Variants in FIG4 observed in about 807,000 individuals in gnomAD.
FIG4 encodes the protein FIG4 phosphoinositide 5-phosphatase, also known as polyphosphoinositide phosphatase.
In FIG4, 112 loss-of-function variants were observed where a neutral mutation model predicts 118.6. The observed-to-expected ratio is 0.94, with a 90% CI of 0.81 to 1.11. The LOEUF (loss-of-function observed/expected upper bound fraction) is 1.11. Ranked by LOEUF, FIG4 falls within the 50% of genes least tolerant of loss-of-function variation. FIG4 has a pLI of 0.00. For missense variants in FIG4, 969 were observed against 1,111.7 expected (o/e 0.87, Z 1.83); for synonymous variants, 369 against 381.2 (o/e 0.97, Z 0.37).
chr6:109,764,234 C>T (rs1014564930), intron 13 of FIG4, among the ~76,000 whole-genome samples: 3 of 151,966 alleles, frequency 2.0e-5, no homozygotes, highest in African/African-American at 7.3e-5. Context: ...ATCAGGAGAT[C>T]GAGACCATCC....
At chr6:109,790,475 A>G (rs1221396787) in intron 19 of FIG4, among the ~76,000 whole-genome samples, 2 of 152,250 alleles carry the variant, frequency 1.3e-5, no homozygotes, top group African/African-American at 4.8e-5. Flanking sequence ...GGGAATTCCC[A>G]GAACAAATAA....
chr6:109,811,332 G>A (rs1341395079), intron 22 of FIG4, among the ~76,000 whole-genome samples: 4 of 152,068 alleles, frequency 2.6e-5, no homozygotes, highest in Non-Finnish European at 5.9e-5. Context: ...AAAGTCCTGG[G>A]TATCCATTAC....
chr6:109,786,797 G>A (rs1777971359), intron 18 of FIG4, among the ~76,000 whole-genome samples: 1 of 152,130 alleles, frequency 6.6e-6, no homozygotes, highest in African/African-American at 2.4e-5. Context: ...AGAAAGGCTA[G>A]GATGTGAATC....
At chr6:109,820,143 C>T (rs1037586739) in intron 22 of FIG4, among the ~76,000 whole-genome samples, 7 of 152,138 alleles carry the variant, frequency 4.6e-5, no homozygotes, top group African/African-American at 1.7e-4. Flanking sequence ...AAAAACCAGC[C>T]CTGAGTGGAC....
At chr6:109,768,799 A>G (rs527979364) in intron 15 of FIG4, among the ~76,000 whole-genome samples, 1 of 152,232 alleles carries the variant, frequency 6.6e-6, no homozygotes, top group South Asian at 2.1e-4. Flanking sequence ...AACACGGGGG[A>G]AATCCACATC....
At chr6:109,822,245 C>A (rs1167289280) in intron 22 of FIG4, among the ~76,000 whole-genome samples, 6 of 151,820 alleles carry the variant, frequency 4.0e-5, no homozygotes, top group Admixed American at 1.3e-4. Context: ...GGTTGGGGCA[C>A]CTGGAAGGGG....
intron 6 of FIG4, among the ~76,000 whole-genome samples, chr6:109,737,854 C>T (rs1158431719): frequency 5.3e-5 from 8 of 152,104 alleles, no homozygotes; most frequent in Admixed American, 3.3e-4. Context: ...AAAACAACCA[C>T]GTGGTACAGG....
At chr6:109,697,927 C>T (rs370766024) in intron 1 of FIG4, among the ~76,000 whole-genome samples, 5 of 150,768 alleles carry the variant, frequency 3.3e-5, no homozygotes, top group Non-Finnish European at 7.4e-5. Context: ...TTTGCACTGT[C>T]GCCCAGGCTG....
chr6:109,762,736 A>G (rs549714469), intron 12 of FIG4, among the ~76,000 whole-genome samples: 1 of 152,024 alleles, frequency 6.6e-6, no homozygotes, highest in South Asian at 2.1e-4. Flanking sequence ...CTACTAGTGT[A>G]TATGTCTTTG....
At chr6:109,740,378 A>T (rs1776287768) in intron 7 of FIG4, among the ~76,000 whole-genome samples, 1 of 152,134 alleles carries the variant, frequency 6.6e-6, no homozygotes, top group South Asian at 2.1e-4. Context: ...ACTCTATATG[A>T]TTATAAAAAG....
At chr6:109,755,558 T>A (rs1360778073) in intron 10 of FIG4, among the ~76,000 whole-genome samples, 6 of 152,194 alleles carry the variant, frequency 3.9e-5, no homozygotes, top group Non-Finnish European at 5.9e-5. Context: ...CCCATTATTA[T>A]TGTGTGGGAG....
At chr6:109,697,352 A>C (rs1347476899) in intron 1 of FIG4, among the ~76,000 whole-genome samples, 2 of 152,116 alleles carry the variant, frequency 1.3e-5, no homozygotes, top group African/African-American at 4.8e-5. Context: ...TCAGGGTCTC[A>C]TGAAGTCGCA....
intron 22 of FIG4, among the ~76,000 whole-genome samples, chr6:109,802,700 CAT>C (rs1344819882): frequency 1.1e-4 from 17 of 152,094 alleles, no homozygotes; most frequent in African/African-American, 4.1e-4. Context: ...GAATGAAAGA[CAT>C]GTGAATGACT....
chr6:109,718,288 A>G (rs1182175627), intron 3 of FIG4, among the ~76,000 whole-genome samples: 1 of 152,178 alleles, frequency 6.6e-6, no homozygotes, highest in African/African-American at 2.4e-5. Context: ...GGCACCTCCC[A>G]CCAGGCCCCA....
chr6:109,707,271 GTGTGTGTGTATATATATATA>G (rs1464649327), intron 1 of FIG4, among the ~76,000 whole-genome samples: 1 of 140,076 alleles, frequency 7.1e-6, no homozygotes, highest in African/African-American at 3.0e-5. Context: ...ACTGATGTGT[GTGTGTGTGTATATATATATA>G]TGTGTGTGTG....
At chr6:109,820,250 A>G (rs759888531) in intron 22 of FIG4, among the ~76,000 whole-genome samples, 1 of 152,230 alleles carries the variant, frequency 6.6e-6, no homozygotes, top group African/African-American at 2.4e-5. Context: ...ATGAGAATAG[A>G]TGGTATACCA....
chr6:109,703,490 G>T (rs1774964857), intron 1 of FIG4, among the ~76,000 whole-genome samples: 3 of 152,112 alleles, frequency 2.0e-5, no homozygotes, highest in South Asian at 2.1e-4. Flanking sequence ...ATGCTTTTCA[G>T]TTTCAAATGG....
At chr6:109,749,487 T>C (rs563292140) in intron 10 of FIG4, among the ~76,000 whole-genome samples, 41 of 152,030 alleles carry the variant, frequency 2.7e-4, no homozygotes, top group African/African-American at 9.6e-4. Flanking sequence ...ATTGTTAGTA[T>C]GGAAATAAAT....
intron 1 of FIG4, among the ~76,000 whole-genome samples, chr6:109,702,590 T>C (rs1304459757): frequency 6.6e-6 from 1 of 152,212 alleles, no homozygotes; most frequent in Non-Finnish European, 1.5e-5. Flanking sequence ...TGCATGTATA[T>C]ATGCCTTTAG....
Sources: allele counts gnomAD v4.1 joint callset (sites outside exome capture counted in the v4.1 genomes callset), GRCh38; gene constraint gnomAD v4.1.1; transcripts MANE v1.5; gene names NCBI Gene and HGNC (gene_info 2026-07-23, HGNC 2026-07-21).